SMOC2: variants seen among roughly 807,000 people sequenced by gnomAD.
SMOC2 encodes SPARC related modular calcium binding 2.
In SMOC2, 39 loss-of-function variants were observed where a neutral mutation model predicts 61.4. The observed-to-expected ratio is 0.64, with a 90% CI of 0.49 to 0.83. The LOEUF is 0.83. SMOC2 is among the 40% of genes least tolerant of loss of function. SMOC2 has a pLI of 0.00. For missense variants in SMOC2, 556 were observed against 592.9 expected (o/e 0.94, Z 0.65); for synonymous variants, 247 against 239.9 (o/e 1.03, Z -0.27).
chr6:168,657,695 G>A (rs1383157004), intron 11 of SMOC2, among the ~76,000 whole-genome samples: 1 of 152,160 alleles, frequency 6.6e-6, no homozygotes. Context: ...TAGAGGCTGG[G>A]CAGTCCAAGA....
intron 7 of SMOC2, among the ~76,000 whole-genome samples, chr6:168,564,412 C>T (rs952736555): frequency 1.3e-5 from 2 of 152,150 alleles, no homozygotes; most frequent in Non-Finnish European, 2.9e-5. Context: ...TGAAATATAA[C>T]ACTTCAGACT....
At chr6:168,633,240 T>C (rs1786616924) in intron 9 of SMOC2, among the ~76,000 whole-genome samples, 1 of 152,224 alleles carries the variant, frequency 6.6e-6, no homozygotes, top group Admixed American at 6.5e-5. Flanking sequence ...ACATGTAAAA[T>C]GTTTTGCTAT....
At chr6:168,653,776 T>C (rs10447363) in intron 11 of SMOC2, among the ~76,000 whole-genome samples, 257 of 133,030 alleles carry the variant, frequency 1.9e-3, no homozygotes, top group African/African-American at 5.0e-3. Context: ...ACCAACCCTG[T>C]ACCTGAGCTC....
At chr6:168,660,803 G>C (rs1787490236) in intron 11 of SMOC2, among the ~76,000 whole-genome samples, 1 of 152,252 alleles carries the variant, frequency 6.6e-6, no homozygotes, top group Admixed American at 6.5e-5. Context: ...GGATGGGCTG[G>C]AGTTCTTAGC....
intron 1 of SMOC2, among the ~76,000 whole-genome samples, chr6:168,473,469 T>C (rs1386716420): frequency 1.3e-5 from 2 of 152,184 alleles, no homozygotes; most frequent in African/African-American, 2.4e-5. Context: ...TGTGAAACGA[T>C]ACTGTTACCT....
chr6:168,615,112 AG>A (rs1336175712), intron 9 of SMOC2, among the ~76,000 whole-genome samples: 1 of 48,040 alleles, frequency 2.1e-5, no homozygotes, highest in Non-Finnish European at 4.0e-5. Context: ...CAGCCAGCAC[AG>A]GGGGCCTCTT....
At chr6:168,547,318 T>C in intron 6 of SMOC2, 149 bp downstream of exon 6, 1 of 648,134 alleles carries the variant, frequency 1.5e-6, no homozygotes, top group Non-Finnish European at 2.7e-6. Flanking sequence ...CCACGTGATC[T>C]TACTTATATG....
At chr6:168,482,381 C>G (rs1031960585) in intron 1 of SMOC2, among the ~76,000 whole-genome samples, 1 of 100,808 alleles carries the variant, frequency 9.9e-6, no homozygotes, top group African/African-American at 4.3e-5. Flanking sequence ...ATGAAAAACT[C>G]TAAGTAAATT....
chr6:168,611,266 AC>A (rs1785855205), intron 9 of SMOC2, among the ~76,000 whole-genome samples: 1 of 108,748 alleles, frequency 9.2e-6, no homozygotes, highest in Non-Finnish European at 1.9e-5. Flanking sequence ...CATGTCCGGG[AC>A]CCACCGTGGC....
intron 2 of SMOC2, among the ~76,000 whole-genome samples, chr6:168,518,645 TTGTGTGGG>T (rs1783217615): frequency 6.9e-6 from 1 of 144,820 alleles, no homozygotes; most frequent in Non-Finnish European, 1.5e-5. Context: ...GAGTGTATGC[TTGTGTGGG>T]TGTGTATGTA....
At chr6:168,513,006 G>T (rs1783045148) in intron 2 of SMOC2, among the ~76,000 whole-genome samples, 1 of 144,904 alleles carries the variant, frequency 6.9e-6, no homozygotes, top group East Asian at 2.1e-4. Context: ...ACACAGATGT[G>T]AAATATCTTT....
chr6:168,491,064 A>T (rs6915096), intron 1 of SMOC2, among the ~76,000 whole-genome samples: 19,124 of 151,688 alleles, frequency 0.13, 2,394 homozygotes, highest in East Asian at 0.39. Flanking sequence ...GGTCTCTCTC[A>T]TTAAAAGGTG....
chr6:168,615,241 A>T (rs1405132944), intron 9 of SMOC2, among the ~76,000 whole-genome samples: 4 of 91,360 alleles, frequency 4.4e-5, no homozygotes, highest in Non-Finnish European at 9.0e-5. Context: ...GCCTCTTCAC[A>T]CCTACAGCCA....
chr6:168,652,693 T>C (rs1470780903), intron 10 of SMOC2, among the ~76,000 whole-genome samples: 1 of 152,210 alleles, frequency 6.6e-6, no homozygotes, highest in Non-Finnish European at 1.5e-5. Context: ...ATAAGGGGGC[T>C]TTTGTCCTTC....
At chr6:168,489,191 C>G (rs913150127) in intron 1 of SMOC2, among the ~76,000 whole-genome samples, 3 of 147,954 alleles carry the variant, frequency 2.0e-5, no homozygotes, top group African/African-American at 7.6e-5. Context: ...TTGCATCACA[C>G]TGTTTTAGAA....
intron 2 of SMOC2, among the ~76,000 whole-genome samples, chr6:168,514,580 A>G (rs5016785): frequency 1.3e-5 from 2 of 152,042 alleles, no homozygotes; most frequent in South Asian, 2.1e-4. Flanking sequence ...AATCTCAGCT[A>G]TCTGTGCTGA....
intron 9 of SMOC2, among the ~76,000 whole-genome samples, chr6:168,611,740 T>C (rs1312877978): frequency 6.6e-6 from 1 of 151,960 alleles, no homozygotes; most frequent in Non-Finnish European, 1.5e-5. Flanking sequence ...TGGCTGTGGC[T>C]CCCATGTCAG....
chr6:168,574,449 T>A (rs1010566872), intron 7 of SMOC2, among the ~76,000 whole-genome samples: 8 of 151,990 alleles, frequency 5.3e-5, no homozygotes, highest in East Asian at 3.9e-4. Flanking sequence ...GCCCTGGAAA[T>A]CCCTGGGAGA....
intron 2 of SMOC2, among the ~76,000 whole-genome samples, chr6:168,525,887 T>C (rs1282474230): frequency 6.6e-6 from 1 of 152,116 alleles, no homozygotes; most frequent in African/African-American, 2.4e-5. Flanking sequence ...CTTTGGTCTG[T>C]TTTTAATGGT....
Sources: allele counts gnomAD v4.1 joint callset (sites outside exome capture counted in the v4.1 genomes callset), GRCh38; gene constraint gnomAD v4.1.1; transcripts MANE v1.5; gene names NCBI Gene and HGNC (gene_info 2026-07-23, HGNC 2026-07-21).